Variants in TRMT1L observed in about 807,000 individuals in gnomAD.
The protein encoded by TRMT1L is tRNA methyltransferase 1L, also known as tRNA (guanine(27)-N(2))-dimethyltransferase.
TRMT1L carries 28 observed loss-of-function variants against 81.6 expected under a neutral mutation model. The ratio of observed to expected loss-of-function variants is 0.34; its 90% CI spans 0.25 to 0.47. The LOEUF (loss-of-function observed/expected upper bound fraction) is 0.47. Among genes scored for constraint, TRMT1L ranks in the 20% least tolerant of loss-of-function variants. TRMT1L has a pLI of 1.00. For missense variants in TRMT1L, 739 were observed against 877.1 expected, an observed-to-expected ratio of 0.84 and a Z score of 1.99; for synonymous variants, 301 against 303.2, an observed-to-expected ratio of 0.99 and a Z score of 0.07.
rs750186436 is a variant in TRMT1L at position 185,156,670 on chromosome 1, CCTT to C, written c.40_42del (p.Lys14del). 11 of 1,612,178 alleles carry C rather than the reference CCTT, an allele frequency of 6.8e-6. No homozygotes were observed. In the South Asian group the frequency reaches 1.2e-4, roughly 18 times the overall value. ...TGGACCTGGGCCACCTCCACCTCCT[CCTT>C]CTCCAGGGGCAGCAGCTCCTCCTCC... On this transcript the variant is annotated inframe_deletion, in exon 1 of 15. Coordinates refer to ENST00000367506, the MANE Select transcript of TRMT1L (RefSeq NM_030934.5).
intron 1 of TRMT1L, among the ~76,000 whole-genome samples, chr1:185,156,021 G>GA (rs1271801125): frequency 6.6e-6 from 1 of 152,214 alleles, no homozygotes; most frequent in Non-Finnish European, 1.5e-5. Context: ...TGTCGAAGCA[G>GA]AAAAGCTAGT....
At chr1:185,143,046 ATACT>A (rs1413967611) in intron 7 of TRMT1L, among the ~76,000 whole-genome samples, 2 of 152,160 alleles carry the variant, frequency 1.3e-5, no homozygotes, top group Non-Finnish European at 2.9e-5. Context: ...TCCAACTGAA[ATACT>A]TACAGATGAA....
intron 10 of TRMT1L, 148 bp from the exon 11 acceptor site, chr1:185,128,895 T>C (rs1652699854): frequency 1.5e-6 from 1 of 665,054 alleles, no homozygotes; most frequent in South Asian, 1.8e-5. Context: ...TGTATGTATA[T>C]ATGTGTGTGT....
chr1:185,129,842 TA>T (rs34115956), intron 10 of TRMT1L, among the ~76,000 whole-genome samples: 77,265 of 152,064 alleles, frequency 0.51, 21,125 homozygotes, highest in African/African-American at 0.73. Context: ...AGCACTGACG[TA>T]AAGTTTTGTT....
At position 185,119,845 on chromosome 1, in the gene TRMT1L, GA is replaced by G; in HGVS notation, c.*173del. ...TTGCCTTAAAACAAAAAAAAACTTGGAAAGCAAAGCTCCCAAACCAGCTAAG... is the reference window on the plus strand; with the variant it reads ...TTGCCTTAAAACAAAAAAAAACTTGGAAGCAAAGCTCCCAAACCAGCTAAG... On this transcript the variant is annotated 3_prime_UTR_variant, in exon 15 of 15. Transcript: ENST00000367506. The G allele has an allele frequency of 1.3e-6, 1 of 764,508 alleles. No homozygotes were observed. Among genetic ancestry groups the G allele is most frequent in the Non-Finnish European group, 1.9e-6 (1 of 522,138 alleles). 47.4% of individuals were successfully genotyped at this position (764,508 alleles called of 1,614,324 possible).
At chr1:185,127,121 C>T (rs1557984983) in intron 11 of TRMT1L, among the ~76,000 whole-genome samples, 1 of 152,184 alleles carries the variant, frequency 6.6e-6, no homozygotes, top group East Asian at 1.9e-4. Flanking sequence ...GCCATAGTTT[C>T]CTCATGTGTA....
intron 11 of TRMT1L, among the ~76,000 whole-genome samples, 153 bp downstream of exon 11, chr1:185,128,516 C>T (rs1005041103): frequency 3.9e-5 from 6 of 152,106 alleles, no homozygotes; most frequent in African/African-American, 1.4e-4. Context: ...ATATTAAACA[C>T]CTCAGGTTCA....
chr1:185,146,112 TA>T (rs1300641255), intron 4 of TRMT1L, among the ~76,000 whole-genome samples: 1 of 152,002 alleles, frequency 6.6e-6, no homozygotes, highest in Non-Finnish European at 1.5e-5. Context: ...CAGATAATAT[TA>T]AAATACAGGA....
chr1:185,125,130 C>A lies in TRMT1L; in HGVS notation c.1593-20G>T. ...CTTGACCTGAAAAGAAAAGAATATA[C>A]AGAGAACTGGGTTTGAAAAATGTTT... On this transcript the variant is annotated intron_variant, in intron 11 of 14. Transcript: ENST00000367506. 1 of 1,578,206 alleles carries A rather than the reference C, an allele frequency of 6.3e-7. No individual in the cohort carries two copies.
intron 9 of TRMT1L, among the ~76,000 whole-genome samples, chr1:185,138,930 G>C (rs1652967253): frequency 6.6e-6 from 1 of 152,148 alleles, no homozygotes. Context: ...TGTGATTACA[G>C]GTGTGTACCA....
At chr1:185,149,171 A>G (rs951401834) in intron 3 of TRMT1L, among the ~76,000 whole-genome samples, 3 of 152,178 alleles carry the variant, frequency 2.0e-5, no homozygotes, top group African/African-American at 7.2e-5. Context: ...TGGCTACATA[A>G]TAATATTTCA....
intron 9 of TRMT1L, 52 bp downstream of exon 9, chr1:185,139,315 T>A: frequency 6.9e-7 from 1 of 1,447,196 alleles, no homozygotes; most frequent in Non-Finnish European, 9.5e-7. Flanking sequence ...TAATATTATC[T>A]CTTTTTATCA....
chr1:185,123,884 T>G lies in TRMT1L; in HGVS notation c.1795A>C (p.Thr599Pro). The G allele has an allele frequency of 1.3e-6, 2 of 1,516,218 alleles. No individual in the cohort carries two copies. Among genetic ancestry groups the G allele is most frequent in the South Asian group, 2.6e-5 (2 of 78,148 alleles). The allele number at this position is 1,516,218 out of a possible 1,614,324, so 93.9% of individuals were successfully genotyped here. A position where few individuals can be genotyped will look rare whatever the true frequency, so the allele number is the denominator to read the frequency against. The change falls in exon 13 of 15, where the codon ACC becomes CCC. Residue 599 changes from threonine (T) to proline (P), a missense_variant. Thr to Pro is a conservative substitution (Grantham distance 38). This residue lies in a region of TRMT1L where 196 missense variants were observed against 232.6 expected (regional missense o/e 0.84). Coordinates refer to ENST00000367506, the MANE Select transcript of TRMT1L (RefSeq NM_030934.5). The stretch of plus-strand genomic sequence containing the variant: ...TGTGCAATGTAATTATCTGTTGTGG[T>G]GTCATCTGTAGTTTTAATAAATACA... ...NGVFIKTTDD[T>P]TTDNYIAQGK...
chr1:185,132,972 C>G (rs753869102), intron 10 of TRMT1L, among the ~76,000 whole-genome samples: 32 of 152,134 alleles, frequency 2.1e-4, no homozygotes, highest in Non-Finnish European at 3.8e-4. Context: ...CCTTGCACAA[C>G]AGATTTCAGC....
In TRMT1L at chr1:185,153,852, A is replaced by G. The variant is rs199849961; in HGVS notation, c.236-1917T>C. ...ATGTTATTAGGTTATACAATTTAAA[A>G]CCTTGAGACTTTAAAATTCAATTCT... On this transcript the variant is annotated intron_variant, in intron 1 of 14. Transcript: ENST00000367506. Among the ~76,000 whole-genome samples the G allele has an allele frequency of 3.9e-5, 6 of 152,290 alleles. No homozygotes were observed. In the East Asian group the frequency reaches 1.2e-3, roughly 29 times the overall value.
At chr1:185,137,370 G>T in intron 10 of TRMT1L, 1 of 586,708 alleles carries the variant, frequency 1.7e-6, no homozygotes, top group South Asian at 1.9e-5. Flanking sequence ...GTTATTTCTA[G>T]ATGTTTCGAT....
chr1:185,121,745 A>AT (rs534644446), intron 13 of TRMT1L, among the ~76,000 whole-genome samples: 20 of 147,916 alleles, frequency 1.4e-4, no homozygotes, highest in East Asian at 3.9e-4. Context: ...CAGTATATAG[A>AT]TTTTTTTTTT....
chr1:185,134,283 A>G (rs1047585892), intron 10 of TRMT1L, among the ~76,000 whole-genome samples: 2 of 151,972 alleles, frequency 1.3e-5, no homozygotes, highest in Non-Finnish European at 1.5e-5. Flanking sequence ...CCTGGGTTCA[A>G]GTGGTGATTC....
chr1:185,120,049 T>G lies in TRMT1L; in HGVS notation c.2172A>C (p.Lys724Asn), dbSNP rs1388181268. 6.2e-7 allele frequency: 1 copy of G among 1,613,822 alleles called. No individual in the cohort carries two copies. Among genetic ancestry groups the G allele is most frequent in the South Asian group, 1.1e-5 (1 of 91,072 alleles). Residue 724 changes from lysine to asparagine, a missense_variant, in exon 15 of 15, where the codon AAA becomes AAC. By Grantham distance (94) the Lys-to-Asn change is moderately conservative (BLOSUM62 0). Coordinates refer to ENST00000367506, the MANE Select transcript of TRMT1L (RefSeq NM_030934.5). The stretch of plus-strand genomic sequence containing the variant: ...ATCTTCTGCAGCCACTTGCTTCTGC[T>G]TTGTCATTCACTGACATTTCAACTC... ...TERVEMSVND[K>N]AEASGCRRW
Sources: gnomAD v4.1 joint callset for allele counts (sites outside exome capture counted in the v4.1 genomes callset) on GRCh38, gnomAD v4.1.1 for gene constraint, gnomAD v4.1.1 regional missense constraint, MANE v1.5 for transcripts, NCBI Gene and HGNC (gene_info 2026-07-23, HGNC 2026-07-21) for gene names.